The following ANKRD11 variants were observed in gnomAD, a reference collection of about 807,000 sequenced individuals.
ANKRD11 encodes the protein ankyrin repeat domain 11.
A neutral mutation model predicts 195.7 loss-of-function variants in ANKRD11; 17 were observed. That is an observed-to-expected ratio of 0.09 (90% CI 0.06 to 0.13). The LOEUF (loss-of-function observed/expected upper bound fraction) is 0.13, where lower values mean the gene tolerates loss of function less well. ANKRD11 is among the 10% of genes least tolerant of loss of function. ANKRD11 has a pLI of 1.00. For synonymous variants in ANKRD11, 1,953 were observed against 1,528.1 expected, an observed-to-expected ratio of 1.28 and a Z score of -6.49; for missense variants, 3,735 against 3,566.1, an observed-to-expected ratio of 1.05 and a Z score of -1.21.
chr16:89,384,879 C>CTTTTTTTTTTTTTTTTTTTTTTT lies in ANKRD11; in HGVS notation c.-60+33382_-60+33404dup, dbSNP rs869271846. Among the ~76,000 whole-genome samples the CTTTTTTTTTTTTTTTTTTTTTTT allele has an allele frequency of 1.3e-3, 64 of 49,942 alleles. 10 individuals carry two copies. Among genetic ancestry groups the CTTTTTTTTTTTTTTTTTTTTTTT allele is most frequent in the Non-Finnish European group, 1.5e-3 (44 of 28,702 alleles). 32.8% of individuals were successfully genotyped at this position (49,942 alleles called of 152,430 possible). On this transcript the variant is annotated intron_variant, in intron 2 of 12. Coordinates refer to ENST00000301030, the MANE Select transcript of ANKRD11 (RefSeq NM_013275.6). ...GGAGCACACAATGAGAAATAGTTTT[C>CTTTTTTTTTTTTTTTTTTTTTTT]TTTTTTTTTTTTTTTTTTTTTTTTT...
chr16:89,402,932 G>A (rs1228378045), intron 2 of ANKRD11, among the ~76,000 whole-genome samples: 1 of 152,170 alleles, frequency 6.6e-6, no homozygotes, highest in Non-Finnish European at 1.5e-5. Flanking sequence ...CAACAAAGCA[G>A]GCAACCTAGC....
At chr16:89,471,269 G>T (rs1032916103) in intron 1 of ANKRD11, among the ~76,000 whole-genome samples, 2 of 152,102 alleles carry the variant, frequency 1.3e-5, no homozygotes, top group African/African-American at 4.8e-5. Flanking sequence ...AAATTCTAGC[G>T]ATTTCCAAAT....
At chr16:89,407,590 G>A (rs2041957072) in intron 2 of ANKRD11, among the ~76,000 whole-genome samples, 1 of 152,226 alleles carries the variant, frequency 6.6e-6, no homozygotes, top group Admixed American at 6.5e-5. Flanking sequence ...GGAGGCCGAG[G>A]CAGGTGGATT....
intron 2 of ANKRD11, among the ~76,000 whole-genome samples, chr16:89,376,501 G>T (rs1482701811): frequency 6.6e-6 from 1 of 152,184 alleles, no homozygotes; most frequent in Non-Finnish European, 1.5e-5. Context: ...GCAGTGGCAT[G>T]ATCTCAGCTC....
Position 89,280,928 on chromosome 16 carries a change from C to G in ANKRD11, c.5614G>C (p.Val1872Leu). 6.3e-7 allele frequency: 1 copy of G among 1,593,588 alleles called. No homozygotes were observed. Among genetic ancestry groups the G allele is most frequent in the Non-Finnish European group, 8.6e-7 (1 of 1,166,768 alleles). ...VDALHCPPAA[V>L]VTVTPSPEGV... Reference sequence around the variant, plus strand: ...TCTGGAGACGGGGTGACAGTGACAACGGCAGCCGGTGGGCAGTGCAAAGCG... The same window carrying G: ...TCTGGAGACGGGGTGACAGTGACAAGGGCAGCCGGTGGGCAGTGCAAAGCG... The change falls in exon 9 of 13, where the codon GTT (valine) becomes CTT (leucine). Residue 1872 changes from valine to leucine, a missense_variant. Coordinates refer to ENST00000301030, the MANE Select transcript of ANKRD11 (RefSeq NM_013275.6).
intron 2 of ANKRD11, among the ~76,000 whole-genome samples, chr16:89,416,548 T>C (rs2042318202): frequency 6.6e-6 from 1 of 152,170 alleles, no homozygotes; most frequent in Non-Finnish European, 1.5e-5. Flanking sequence ...TCCACCCACC[T>C]TGACATCTCA....
intron 7 of ANKRD11, chr16:89,286,962 G>A (rs879065804): frequency 2.0e-5 from 26 of 1,289,620 alleles, no homozygotes; most frequent in African/African-American, 7.6e-5. Flanking sequence ...TTTCCAGTTC[G>A]TGTGTGACAT....
At chr16:89,469,035 A>C (rs530745807) in intron 1 of ANKRD11, among the ~76,000 whole-genome samples, 3 of 152,322 alleles carry the variant, frequency 2.0e-5, no homozygotes, top group African/African-American at 7.2e-5. Context: ...AAGTGCCTTT[A>C]TGAAATCCCA....
chr16:89,284,588 G>A lies in ANKRD11; in HGVS notation c.1954C>T (p.Leu652=). The part of the protein sequence containing the change: ...EKGQCSISQE[L]KLKSFTYEYE... ...TCGTAAGTAAAACTTTTCAACTTCA[G>A]CTCTTGGCTGATGGAACACTGTCCC... Residue 652 remains leucine (L), a synonymous_variant, in exon 9 of 13, where the codon CTG becomes TTG. Coordinates refer to ENST00000301030, the MANE Select transcript of ANKRD11 (RefSeq NM_013275.6). The A allele has an allele frequency of 6.2e-7, 1 of 1,614,132 alleles. No homozygotes were observed. Among genetic ancestry groups the A allele is most frequent in the South Asian group, 1.1e-5 (1 of 91,078 alleles).
intron 1 of ANKRD11, among the ~76,000 whole-genome samples, chr16:89,460,827 T>C (rs2056627928): frequency 1.3e-5 from 2 of 152,266 alleles, no homozygotes; most frequent in South Asian, 2.1e-4. Flanking sequence ...CAAATGAAGA[T>C]TCTGACCCAC....
At chr16:89,398,228 A>C (rs1226407349) in intron 2 of ANKRD11, among the ~76,000 whole-genome samples, 1 of 151,510 alleles carries the variant, frequency 6.6e-6, no homozygotes, top group South Asian at 2.1e-4. Flanking sequence ...TGACCTCAGC[A>C]CTCTGGGAGG....
chr16:89,489,426 C>G (rs1331668349), intron 1 of ANKRD11, among the ~76,000 whole-genome samples: 2 of 147,448 alleles, frequency 1.4e-5, no homozygotes, highest in African/African-American at 2.5e-5. Flanking sequence ...TACCCTCCCC[C>G]TAACACCCCC....
At position 89,435,900 on chromosome 16, in the gene ANKRD11, A is replaced by G. The variant is rs116646623; in HGVS notation, c.-144-17532T>C. Among the ~76,000 whole-genome samples, 617 of 152,046 alleles carry G rather than the reference A, an allele frequency of 4.1e-3. 3 individuals are homozygous for G. Among genetic ancestry groups the G allele is most frequent in the African/African-American group, 0.013 (553 of 41,484 alleles). ...CACTTCAACTTCTGCATTCAGTTCA[A>G]TGTGCTGGTGCCGCCCATCACCTCT... is the stretch of plus-strand genomic sequence containing the variant. On this transcript the variant is annotated intron_variant, in intron 1 of 12. Transcript: ENST00000301030.
intron 1 of ANKRD11, among the ~76,000 whole-genome samples, chr16:89,425,081 T>TAA (rs1269718388): frequency 7.9e-4 from 104 of 132,022 alleles, no homozygotes; most frequent in Non-Finnish European, 1.0e-3. Context: ...TCAAACTATT[T>TAA]AAAAAAAAAA....
chr16:89,407,647 G>A (rs953114277), intron 2 of ANKRD11, among the ~76,000 whole-genome samples: 5 of 152,044 alleles, frequency 3.3e-5, no homozygotes, highest in East Asian at 3.9e-4. Context: ...ACGGCGAGAC[G>A]CCGTCTCTAT....
chr16:89,294,708 C>G (rs2035300579), intron 4 of ANKRD11, among the ~76,000 whole-genome samples: 1 of 152,214 alleles, frequency 6.6e-6, no homozygotes, highest in South Asian at 2.1e-4. Flanking sequence ...TTGACGTGCA[C>G]ACACACAGCC....
At chr16:89,482,359 C>G (rs2057471804) in intron 1 of ANKRD11, among the ~76,000 whole-genome samples, 1 of 152,116 alleles carries the variant, frequency 6.6e-6, no homozygotes, top group South Asian at 2.1e-4. Context: ...CTGCCCTCAT[C>G]AAAACTGCCA....
intron 1 of ANKRD11, among the ~76,000 whole-genome samples, chr16:89,453,990 ACTGT>A (rs2056314605): frequency 6.6e-6 from 1 of 152,174 alleles, no homozygotes. Context: ...AGTTCCCAAG[ACTGT>A]CTGAGTGGAC....
intron 2 of ANKRD11, among the ~76,000 whole-genome samples, chr16:89,319,198 T>C (rs1415386468): frequency 6.6e-6 from 1 of 152,190 alleles, no homozygotes; most frequent in East Asian, 1.9e-4. Flanking sequence ...ACTCAACAGC[T>C]CTGGCGTGGT....
Sources: gnomAD v4.1 joint callset for allele counts (sites outside exome capture counted in the v4.1 genomes callset) on GRCh38, gnomAD v4.1.1 for gene constraint, MANE v1.5 for transcripts, NCBI Gene and HGNC (gene_info 2026-07-23, HGNC 2026-07-21) for gene names.